The following ZBTB20 variants were observed in gnomAD, a reference collection of about 807,000 sequenced individuals.
ZBTB20 encodes the protein zinc finger and BTB domain-containing protein 20.
Under a neutral mutation model 56.9 loss-of-function variants are expected in ZBTB20, and 9 were observed. That is an observed-to-expected ratio of 0.16 (90% CI 0.10 to 0.28). The LOEUF (loss-of-function observed/expected upper bound fraction) is 0.28. Ranked by LOEUF, ZBTB20 falls within the 10% of genes least tolerant of loss-of-function variation. ZBTB20 has a pLI of 1.00. For missense variants in ZBTB20, 655 were observed against 1,003.0 expected, an observed-to-expected ratio of 0.65 and a Z score of 4.69; for synonymous variants, 417 against 420.7, an observed-to-expected ratio of 0.99 and a Z score of 0.11.
intron 5 of ZBTB20, among the ~76,000 whole-genome samples, chr3:114,728,396 T>C (rs2065464996): frequency 6.6e-6 from 1 of 152,204 alleles, no homozygotes; most frequent in African/African-American, 2.4e-5. Flanking sequence ...TTAATCTTTA[T>C]TAAATATCCA....
chr3:114,376,287 C>T (rs1189410834), intron 10 of ZBTB20, among the ~76,000 whole-genome samples: 8 of 152,220 alleles, frequency 5.3e-5, no homozygotes, highest in East Asian at 1.9e-4. Flanking sequence ...AATGTCCCCA[C>T]ACCCAGTGTT....
At chr3:114,830,001 G>A (rs1282518655) in intron 4 of ZBTB20, among the ~76,000 whole-genome samples, 1 of 151,810 alleles carries the variant, frequency 6.6e-6, no homozygotes, top group East Asian at 1.9e-4. Flanking sequence ...ATACAGTCTA[G>A]GTCAACTGAT....
At chr3:114,505,475 T>C (rs900969635) in intron 6 of ZBTB20, among the ~76,000 whole-genome samples, 3 of 152,108 alleles carry the variant, frequency 2.0e-5, no homozygotes, top group African/African-American at 7.2e-5. Context: ...GAACTGAAGT[T>C]TGACACTTAT....
chr3:114,329,391 C>T lies in ZBTB20; in HGVS notation c.*9614G>A, dbSNP rs1052702614. On this transcript the variant is annotated 3_prime_UTR_variant, in exon 12 of 12. Transcript: ENST00000675478. ...TGGGATGGTGGAAAAGTTTATTCAA[C>T]TGAGGCTTTCCATGCATTGGGTTGA... 6.6e-6 allele frequency: 1 copy of T among 152,156 alleles called. No individual in the cohort carries two copies. The highest frequency in any genetic ancestry group is 2.4e-5 in the African/African-American group (1 of 41,440). The allele number at this position is 152,156 out of a possible 1,614,324, so 9.4% of individuals were successfully genotyped here.
chr3:114,868,046 G>T (rs2107525246), intron 4 of ZBTB20, among the ~76,000 whole-genome samples: 2 of 152,228 alleles, frequency 1.3e-5, no homozygotes, highest in East Asian at 3.9e-4. Context: ...CTTTACTCTG[G>T]ATCTCAGGGA....
intron 2 of ZBTB20, among the ~76,000 whole-genome samples, chr3:115,006,119 C>T (rs548501853): frequency 6.6e-6 from 1 of 151,612 alleles, no homozygotes; most frequent in Admixed American, 6.6e-5. Context: ...TCACTGGATC[C>T]TTCTTATCAT....
At position 114,742,897 on chromosome 3, in the gene ZBTB20, T is replaced by C. The variant is rs1578644873; in HGVS notation, c.-342-49322A>G. Among the ~76,000 whole-genome samples the C allele has an allele frequency of 4.6e-5, 7 of 152,172 alleles. No individual in the cohort carries two copies. In the South Asian group the frequency reaches 1.4e-3, roughly 32 times the overall value. ...TATAGCTTGGGTAAAGAAGAATTGT[T>C]GGGTGTCTCCCATGGAGGTCAGTAT... is the stretch of plus-strand genomic sequence containing the variant. On this transcript the variant is annotated intron_variant, in intron 5 of 11. Transcript: ENST00000675478.
chr3:114,656,655 T>G (rs572101613), intron 6 of ZBTB20, among the ~76,000 whole-genome samples: 1 of 152,198 alleles, frequency 6.6e-6, no homozygotes, highest in African/African-American at 2.4e-5. Flanking sequence ...TCAAAAAAAT[T>G]TCAGGTATTA....
intron 5 of ZBTB20, among the ~76,000 whole-genome samples, chr3:114,793,031 A>G (rs532065449): frequency 6.6e-6 from 1 of 151,948 alleles, no homozygotes; most frequent in East Asian, 1.9e-4. Flanking sequence ...ACCTGCCACC[A>G]TCCCCAGCTA....
chr3:114,693,950 T>C (rs1171495940), intron 5 of ZBTB20, among the ~76,000 whole-genome samples: 2 of 152,112 alleles, frequency 1.3e-5, no homozygotes, highest in Non-Finnish European at 2.9e-5. Flanking sequence ...GCAGCTCCAT[T>C]TGAGCTTTAC....
intron 6 of ZBTB20, chr3:114,502,917 T>C (rs1454680102): frequency 1.3e-5 from 2 of 152,188 alleles, no homozygotes; most frequent in South Asian, 2.1e-4. Flanking sequence ...ATATGTTCAA[T>C]GATCATTTTT....
chr3:114,800,313 G>A (rs185680255), intron 5 of ZBTB20, among the ~76,000 whole-genome samples: 44 of 151,774 alleles, frequency 2.9e-4, no homozygotes, highest in African/African-American at 9.9e-4. Context: ...TACCCTGGGC[G>A]TCTGAATCTT....
At chr3:114,894,307 A>G (rs542582101) in intron 4 of ZBTB20, among the ~76,000 whole-genome samples, 1 of 152,298 alleles carries the variant, frequency 6.6e-6, no homozygotes, top group Admixed American at 6.5e-5. Flanking sequence ...ATTGGATATT[A>G]CATATCTATA....
intron 2 of ZBTB20, among the ~76,000 whole-genome samples, chr3:115,065,994 A>C (rs2082193506): frequency 6.6e-6 from 1 of 152,146 alleles, no homozygotes; most frequent in African/African-American, 2.4e-5. Flanking sequence ...GTCTCCAAGA[A>C]TAAATATTTG....
intron 7 of ZBTB20, among the ~76,000 whole-genome samples, chr3:114,401,326 C>A (rs1444128279): frequency 2.6e-5 from 4 of 152,102 alleles, no homozygotes; most frequent in African/African-American, 9.7e-5. Flanking sequence ...GTATCCCAAT[C>A]CATACCAGAC....
intron 2 of ZBTB20, among the ~76,000 whole-genome samples, chr3:115,068,329 C>T (rs2055649): frequency 0.99 from 150,646 of 152,146 alleles, 74,603 homozygotes; most frequent in Middle Eastern, 1. Flanking sequence ...AGAGACAAAA[C>T]GGGTGAAATT....
chr3:114,746,682 T>G (rs927293448), intron 5 of ZBTB20, among the ~76,000 whole-genome samples: 3 of 152,196 alleles, frequency 2.0e-5, no homozygotes, highest in African/African-American at 7.2e-5. Context: ...TCATTTTACT[T>G]TCTGTTATAA....
At chr3:114,702,164 C>A (rs1182464207) in intron 5 of ZBTB20, among the ~76,000 whole-genome samples, 2 of 152,010 alleles carry the variant, frequency 1.3e-5, no homozygotes, top group Non-Finnish European at 2.9e-5. Context: ...ATGGTGGAAC[C>A]CCATCTCTAC....
intron 7 of ZBTB20, among the ~76,000 whole-genome samples, chr3:114,467,316 A>T (rs945178164): frequency 2.0e-5 from 3 of 152,210 alleles, no homozygotes; most frequent in Non-Finnish European, 4.4e-5. Flanking sequence ...CTGTCCACAG[A>T]TTTCAAGAAT....
Sources: allele counts gnomAD v4.1 joint callset (sites outside exome capture counted in the v4.1 genomes callset), GRCh38; gene constraint gnomAD v4.1.1; transcripts MANE v1.5; gene names NCBI Gene and HGNC (gene_info 2026-07-23, HGNC 2026-07-21).